The following NOL11 variants were observed in gnomAD, a reference collection of about 807,000 sequenced individuals.
NOL11 encodes nucleolar protein 11.
In NOL11, 42 loss-of-function variants were observed where a neutral mutation model predicts 93.0. The observed-to-expected ratio is 0.45, with a 90% CI of 0.35 to 0.58. The LOEUF (loss-of-function observed/expected upper bound fraction) is 0.58. Among genes scored for constraint, NOL11 ranks in the 20% least tolerant of loss-of-function variants. NOL11 has a pLI of 0.00. For missense variants in NOL11, 775 were observed against 841.8 expected (o/e 0.92, Z 0.98); for synonymous variants, 296 against 293.7 (o/e 1.01, Z -0.08).
intron 7 of NOL11, among the ~76,000 whole-genome samples, chr17:67,729,583 AC>A (rs1278926917): frequency 1.3e-5 from 2 of 149,632 alleles, no homozygotes; most frequent in Non-Finnish European, 3.0e-5. Context: ...ATCATACAAT[AC>A]TTTTTTTTTT....
chr17:67,731,018 C>CTAAG (rs1555593374), intron 7 of NOL11, among the ~76,000 whole-genome samples: 1 of 152,176 alleles, frequency 6.6e-6, no homozygotes, highest in Non-Finnish European at 1.5e-5. Context: ...TCCCTAATGA[C>CTAAG]TAAGTGTGTT....
intron 8 of NOL11, among the ~76,000 whole-genome samples, chr17:67,735,657 T>A (rs900137295): frequency 3.3e-5 from 5 of 152,208 alleles, no homozygotes; most frequent in African/African-American, 4.8e-5. Flanking sequence ...TTGAGTTTTT[T>A]AAAATGTATA....
chr17:67,734,340 T>A (rs2055181768), intron 7 of NOL11, 23 bp from the exon 8 acceptor site: 1 of 1,422,852 alleles, frequency 7.0e-7, no homozygotes, highest in South Asian at 1.2e-5. Flanking sequence ...GACTTTTTTC[T>A]GAATTTATGT....
chr17:67,737,753 T>C (rs1252256691), intron 12 of NOL11, 61 bp downstream of exon 12: 2 of 1,583,190 alleles, frequency 1.3e-6, no homozygotes, highest in South Asian at 1.2e-5. Flanking sequence ...TTTTTTATAG[T>C]TCTAATCTTC....
chr17:67,730,906 TTTCCCTGCATTC>T (rs1308328007), intron 7 of NOL11, among the ~76,000 whole-genome samples: 2 of 152,258 alleles, frequency 1.3e-5, no homozygotes, highest in African/African-American at 2.4e-5. Context: ...GTGGTTCCAG[TTTCCCTGCATTC>T]TTGCTCACAC....
At chr17:67,741,821 C>T (rs2143147188) in intron 16 of NOL11, among the ~76,000 whole-genome samples, 1 of 152,310 alleles carries the variant, frequency 6.6e-6, no homozygotes, top group East Asian at 1.9e-4. Context: ...ACCTCAGCCT[C>T]CTAAGGTGCT....
Position 67,741,803 on chromosome 17 carries a change from A to T in NOL11, c.1936-1676A>T, listed in dbSNP as rs573921556. ...GTCTGGATCTCCTGACCTCAAGATG[A>T]TCCACCCACCTCAGCCTCCTAAGGT... On this transcript the variant is annotated intron_variant, in intron 16 of 17. Transcript: ENST00000253247. 2.6e-5 allele frequency among the ~76,000 whole-genome samples: 4 copies of T among 152,142 alleles called. No homozygotes were observed. The South Asian group carries it at 8.3e-4, about 32-fold the overall frequency.
At chr17:67,742,039 A>G (rs2055261517) in intron 16 of NOL11, among the ~76,000 whole-genome samples, 1 of 152,226 alleles carries the variant, frequency 6.6e-6, no homozygotes, top group Non-Finnish European at 1.5e-5. Context: ...GAGGATCTTT[A>G]TACAGATATT....
At position 67,743,825 on chromosome 17, in the gene NOL11, G is replaced by T. The variant is rs750185926; in HGVS notation, c.2126G>T (p.Gly709Val). Residue 709 changes from glycine to valine, a missense_variant, in exon 18 of 18, where the codon GGA (glycine) becomes GTA (valine). Gly to Val is a moderately radical substitution (Grantham distance 109). Coordinates refer to ENST00000253247, the MANE Select transcript of NOL11 (RefSeq NM_015462.5). ...TTAAATCAAGAAAAGAATAATAGAG[G>T]ATTATATTCAATTGAAGTGCTGGAG... ...QKLNQEKNNR[G>V]LYSIEVLELF 1.3e-6 allele frequency: 2 copies of T among 1,534,608 alleles called. No individual in the cohort carries two copies. The highest frequency in any genetic ancestry group is 1.8e-6 in the Non-Finnish European group (2 of 1,141,492).
chr17:67,739,542 G>T lies in NOL11; in HGVS notation c.1869G>T (p.Leu623=). 1.3e-6 allele frequency: 2 copies of T among 1,594,420 alleles called. No individual in the cohort carries two copies. Among genetic ancestry groups the T allele is most frequent in the East Asian group, 2.3e-5 (1 of 43,702 alleles). ...TGTTTCTTAAGTATTTGTATTTCCT[G>T]TACCTGAAGTGTAGCGAAAATGCTA... ...ITLFLKYLYF[L]YLKCSENATM... The change falls in exon 16 of 18, where the codon CTG becomes CTT. Residue 623 remains leucine (L), a synonymous_variant. Coordinates refer to ENST00000253247, the MANE Select transcript of NOL11 (RefSeq NM_015462.5).
chr17:67,737,761 T>A, intron 12 of NOL11, 69 bp downstream of exon 12: 3 of 1,581,820 alleles, frequency 1.9e-6, no homozygotes, highest in Non-Finnish European at 2.6e-6. Context: ...AGTTCTAATC[T>A]TCTGAAACTC....
intron 7 of NOL11, among the ~76,000 whole-genome samples, chr17:67,727,827 C>T (rs2055111145): frequency 6.7e-6 from 1 of 149,164 alleles, no homozygotes; most frequent in African/African-American, 2.5e-5. Context: ...ATCACCTGGG[C>T]TTTTTGGCGC....
chr17:67,718,287 T>TG (rs1371920317), intron 1 of NOL11, among the ~76,000 whole-genome samples, 199 bp downstream of exon 1: 1 of 152,156 alleles, frequency 6.6e-6, no homozygotes, highest in East Asian at 1.9e-4. Context: ...ATTTCCGACT[T>TG]GCAGGGGCAG....
At position 67,737,406 on chromosome 17, in the gene NOL11, A is replaced by G. The variant is rs1599046736; in HGVS notation, c.1219-102A>G. On this transcript the variant is annotated intron_variant, in intron 11 of 17. Coordinates refer to ENST00000253247, the MANE Select transcript of NOL11 (RefSeq NM_015462.5). ...AGCTTCAGCTTTGCAGGAATGCATG[A>G]TAACTGTTAGTCATTTGAGAAAATG... 1.1e-5 allele frequency: 11 copies of G among 990,856 alleles called. No individual in the cohort carries two copies. The East Asian group carries it at 2.7e-4, about 24-fold the overall frequency. The allele number at this position is 990,856 out of a possible 1,614,324, so 61.4% of individuals were successfully genotyped here.
intron 1 of NOL11, among the ~76,000 whole-genome samples, chr17:67,718,394 A>G (rs1057150404): frequency 3.9e-5 from 6 of 152,064 alleles, no homozygotes; most frequent in Non-Finnish European, 4.4e-5. Context: ...ATTCCCTCCT[A>G]GGGTCTTTAT....
At chr17:67,725,909 A>G (rs1049445262) in intron 6 of NOL11, among the ~76,000 whole-genome samples, 1 of 152,146 alleles carries the variant, frequency 6.6e-6, no homozygotes, top group Admixed American at 6.5e-5. Flanking sequence ...GCGAGACCCT[A>G]TGTCTAAAAG....
chr17:67,729,736 G>C (rs1468859632), intron 7 of NOL11, among the ~76,000 whole-genome samples: 1 of 151,302 alleles, frequency 6.6e-6, no homozygotes, highest in African/African-American at 2.4e-5. Context: ...CCACCACCAC[G>C]CCTGGCTGAT....
intron 10 of NOL11, 100 bp from the exon 11 acceptor site, chr17:67,736,971 C>CTTTT (rs1567804482): frequency 5.1e-5 from 43 of 839,648 alleles, no homozygotes; most frequent in Non-Finnish European, 7.6e-5. Flanking sequence ...TTGATGAGAG[C>CTTTT]AAAAGTGTGC....
At chr17:67,735,508 T>TA (rs1416252359) in intron 8 of NOL11, among the ~76,000 whole-genome samples, 2 of 152,058 alleles carry the variant, frequency 1.3e-5, no homozygotes, top group Admixed American at 1.3e-4. Context: ...ATACCTGTCT[T>TA]ATTTTTACAA....
Sources: gnomAD v4.1 joint callset for allele counts (sites outside exome capture counted in the v4.1 genomes callset) on GRCh38, gnomAD v4.1.1 for gene constraint, MANE v1.5 for transcripts, NCBI Gene and HGNC (gene_info 2026-07-23, HGNC 2026-07-21) for gene names.